Variants in FBXO8 observed in about 807,000 individuals in gnomAD.
FBXO8 encodes F-box only protein 8.
Under a neutral mutation model 33.4 loss-of-function variants are expected in FBXO8, and 15 were observed. The observed-to-expected ratio is 0.45, with a 90% CI of 0.30 to 0.69. FBXO8 has a LOEUF of 0.69. Ranked by LOEUF, FBXO8 falls within the 30% of genes least tolerant of loss-of-function variation. FBXO8 has a pLI of 0.08. For missense variants in FBXO8, 274 were observed against 380.3 expected (o/e 0.72, Z 2.32); for synonymous variants, 132 against 131.5 (o/e 1.00, Z -0.02).
chr4:174,253,775 G>A lies in FBXO8; in HGVS notation c.456+5924C>T, dbSNP rs551979430. On this transcript the variant is annotated intron_variant, in intron 3 of 5. Transcript: ENST00000393674. This position sits in a 1 kb window ranked among gnomAD's most constrained non-coding sequence, Gnocchi z 4.5. The stretch of plus-strand genomic sequence containing the variant: ...TTCTATAAGAAATGAGTAGAAGTAC[G>A]CCAAAGGCTTCTCAAAAAGATTTTT... 9.1e-4 allele frequency among the ~76,000 whole-genome samples: 138 copies of A among 152,286 alleles called. No homozygotes were observed. The highest frequency in any genetic ancestry group is 2.4e-3 in the African/African-American group (99 of 41,566).
At chr4:174,250,446 G>A (rs1736260968) in intron 3 of FBXO8, among the ~76,000 whole-genome samples, 1 of 152,006 alleles carries the variant, frequency 6.6e-6, no homozygotes, top group Admixed American at 6.6e-5. Context: ...TCAAGTTATA[G>A]ATTCTCAAAG....
At position 174,237,538 on chromosome 4, in the gene FBXO8, A is replaced by G. The variant is rs1200839431; in HGVS notation, c.834T>C (p.His278=). The part of the protein sequence containing the change: ...ILLSIDLTSP[H]VKNKMSKREF... Reference sequence around the variant, plus strand: ...CCCTTTTTGACATTTTATTCTTCACATGAGGGCTAGTGAGGTCAATGGAAA... The same window carrying G: ...CCCTTTTTGACATTTTATTCTTCACGTGAGGGCTAGTGAGGTCAATGGAAA... Residue 278 remains histidine, a synonymous_variant, in exon 6 of 6, where the codon CAT becomes CAC. Coordinates refer to ENST00000393674, the MANE Select transcript of FBXO8 (RefSeq NM_012180.3). The surrounding 1 kb of genome is among the most constrained non-coding windows in gnomAD (Gnocchi z 4.4). 1.2e-6 allele frequency: 2 copies of G among 1,613,668 alleles called. No individual in the cohort carries two copies. Among genetic ancestry groups the G allele is most frequent in the South Asian group, 1.1e-5 (1 of 91,056 alleles).
In FBXO8 at chr4:174,261,117, G is replaced by C. The variant is rs1231656938; in HGVS notation, c.330-1292C>G. ...CAAATGAAATCACTGACTCAAAACT[G>C]TAAGTATAAAAAATTGTTTAGAATA... On this transcript the variant is annotated intron_variant, in intron 2 of 5. Coordinates refer to ENST00000393674, the MANE Select transcript of FBXO8 (RefSeq NM_012180.3). This position sits in a 1 kb window ranked among gnomAD's most constrained non-coding sequence, Gnocchi z 4.1. Among the ~76,000 whole-genome samples, 2 of 151,784 alleles carry C rather than the reference G, an allele frequency of 1.3e-5. No individual in the cohort carries two copies. Among genetic ancestry groups the C allele is most frequent in the African/African-American group, 4.8e-5 (2 of 41,380 alleles).
chr4:174,258,446 C>T (rs533206071), intron 3 of FBXO8, among the ~76,000 whole-genome samples: 2 of 152,172 alleles, frequency 1.3e-5, no homozygotes, highest in East Asian at 3.9e-4. Context: ...ATTTGAACTT[C>T]GTATAAATCA....
Position 174,254,898 on chromosome 4 carries a change from T to C in FBXO8, c.456+4801A>G, listed in dbSNP as rs1300077867. The stretch of plus-strand genomic sequence containing the variant: ...AAATATTTATTTATACACAGTAGGA[T>C]TACAGATAATCTATACTAGGTTATT... On this transcript the variant is annotated intron_variant, in intron 3 of 5. Coordinates refer to ENST00000393674, the MANE Select transcript of FBXO8 (RefSeq NM_012180.3). The surrounding 1 kb of genome is among the most constrained non-coding windows in gnomAD (Gnocchi z 4.2). Among the ~76,000 whole-genome samples, 4 of 152,128 alleles carry C rather than the reference T, an allele frequency of 2.6e-5. No individual in the cohort carries two copies. Among genetic ancestry groups the C allele is most frequent in the Non-Finnish European group, 5.9e-5 (4 of 67,992 alleles).
Position 174,259,888 on chromosome 4 carries a change from T to C in FBXO8, c.330-63A>G, listed in dbSNP as rs980166302. Reference sequence around the variant, plus strand: ...TACATTTAATTTCCTAAGTTAAATATGCATATACATGCAAAAATAGTAACA... The same window carrying C: ...TACATTTAATTTCCTAAGTTAAATACGCATATACATGCAAAAATAGTAACA... On this transcript the variant is annotated intron_variant, in intron 2 of 5. Transcript: ENST00000393674. The surrounding 1 kb of genome is among the most constrained non-coding windows in gnomAD (Gnocchi z 4.3). The C allele has an allele frequency of 1.9e-5, 27 of 1,392,528 alleles. No individual in the cohort carries two copies. The South Asian group carries it at 3.2e-4, about 16-fold the overall frequency. 86.3% of individuals were successfully genotyped at this position (1,392,528 alleles called of 1,614,324 possible). A position where few individuals can be genotyped will look rare whatever the true frequency, so the allele number is the denominator to read the frequency against.
intron 3 of FBXO8, among the ~76,000 whole-genome samples, chr4:174,246,439 G>A (rs1340357359): frequency 6.6e-6 from 1 of 151,850 alleles, no homozygotes; most frequent in African/African-American, 2.4e-5. Context: ...ACTTTCAAGA[G>A]GTCTCTTTCC....
In FBXO8 at chr4:174,256,060, G is replaced by C. The variant is rs1184930278; in HGVS notation, c.456+3639C>G. Reference sequence around the variant, plus strand: ...GTGCAGATGTTCTCCCCCACCCCATGAGCCACTGCCAGCAGCTGCTGTGGA... The same window carrying C: ...GTGCAGATGTTCTCCCCCACCCCATCAGCCACTGCCAGCAGCTGCTGTGGA... On this transcript the variant is annotated intron_variant, in intron 3 of 5. Transcript: ENST00000393674. This position sits in a 1 kb window ranked among gnomAD's most constrained non-coding sequence, Gnocchi z 4.6. 2 of 455,844 alleles carry C rather than the reference G, an allele frequency of 4.4e-6. No homozygotes were observed. The highest frequency in any genetic ancestry group is 2.4e-5 in the Admixed American group (1 of 42,520). 28.2% of individuals were successfully genotyped at this position (455,844 alleles called of 1,614,324 possible). A position where few individuals can be genotyped will look rare whatever the true frequency, so the allele number is the denominator to read the frequency against.
At chr4:174,246,793 G>A (rs1736169603) in intron 3 of FBXO8, among the ~76,000 whole-genome samples, 1 of 151,968 alleles carries the variant, frequency 6.6e-6, no homozygotes, top group Non-Finnish European at 1.5e-5. Context: ...CACCGGCTCA[G>A]AGACAGCTAC....
At position 174,281,888 on chromosome 4, in the gene FBXO8, T is replaced by A. The variant is rs550240788; in HGVS notation, c.-9+1522A>T. On this transcript the variant is annotated intron_variant, in intron 1 of 5. Coordinates refer to ENST00000393674, the MANE Select transcript of FBXO8 (RefSeq NM_012180.3). This position sits in a 1 kb window ranked among gnomAD's most constrained non-coding sequence, Gnocchi z 4.6. ...TGTTTAAAAAATTATTTAAGTAAAA[T>A]AATTCAAGAAAAAGAAACAGAAATT... Among the ~76,000 whole-genome samples the A allele has an allele frequency of 1.3e-5, 2 of 152,246 alleles. No individual in the cohort carries two copies. The highest frequency in any genetic ancestry group is 3.9e-4 in the East Asian group (2 of 5,180).
rs192723107 is a variant in FBXO8, at chr4:174,247,469, T to C, written c.457-6251A>G. On this transcript the variant is annotated intron_variant, in intron 3 of 5. Transcript: ENST00000393674. The surrounding 1 kb of genome is among the most constrained non-coding windows in gnomAD (Gnocchi z 4.6). The stretch of plus-strand genomic sequence containing the variant: ...AGACCATTATATAATAGAAAGCCAA[T>C]TGGATACTGCATTTAATTTTCTTTT... 5.3e-4 allele frequency among the ~76,000 whole-genome samples: 80 copies of C among 152,146 alleles called. No homozygotes were observed. Among genetic ancestry groups the C allele is most frequent in the Non-Finnish European group, 1.0e-3 (68 of 67,974 alleles).
chr4:174,261,196 G>A lies in FBXO8; in HGVS notation c.330-1371C>T, dbSNP rs941909854. On this transcript the variant is annotated intron_variant, in intron 2 of 5. Transcript: ENST00000393674. The surrounding 1 kb of genome is among the most constrained non-coding windows in gnomAD (Gnocchi z 4.1). ...CTAGTCCCAATAAAACCCAAAACTAGAGTTTTATTACTAAGCTTTGTGAAA... is the reference window on the plus strand; with the variant it reads ...CTAGTCCCAATAAAACCCAAAACTAAAGTTTTATTACTAAGCTTTGTGAAA... 6.6e-6 allele frequency among the ~76,000 whole-genome samples: 1 copy of A among 151,738 alleles called. No homozygotes were observed. Among genetic ancestry groups the A allele is most frequent in the Non-Finnish European group, 1.5e-5 (1 of 67,794 alleles).
chr4:174,246,802 A>T (rs752517688), intron 3 of FBXO8, among the ~76,000 whole-genome samples: 7 of 152,048 alleles, frequency 4.6e-5, no homozygotes, highest in Non-Finnish European at 7.4e-5. Context: ...AGAGACAGCT[A>T]CAGTAAGAAA....
rs1705383333 is a variant in FBXO8 at position 174,239,015 on chromosome 4, G to A, written c.751C>T (p.Arg251Ter). ...RFCACNPDLM[R>*]ELGLSPDAVY... ...TTACCAGGACTAAGGCCAAGTTCTCGCATTAAATCAGGGTTGCAAGCACAG... is the reference window on the plus strand; with the variant it reads ...TTACCAGGACTAAGGCCAAGTTCTCACATTAAATCAGGGTTGCAAGCACAG... Residue 251 changes from arginine to a stop codon, truncating the protein, a stop_gained, in exon 5 of 6, where the codon CGA becomes TGA. Transcript: ENST00000393674. LOFTEE classifies it high-confidence loss of function. 1.9e-6 allele frequency: 3 copies of A among 1,557,498 alleles called. No individual in the cohort carries two copies. The highest frequency in any genetic ancestry group is 1.7e-6 in the Non-Finnish European group (2 of 1,149,374).
At chr4:174,279,664 G>A (rs1737033517) in intron 1 of FBXO8, among the ~76,000 whole-genome samples, 1 of 152,058 alleles carries the variant, frequency 6.6e-6, no homozygotes. Context: ...ACAGACCAAT[G>A]AAATAGAACA....
intron 3 of FBXO8, among the ~76,000 whole-genome samples, chr4:174,244,889 AT>A (rs568360555): frequency 1.3e-5 from 2 of 151,750 alleles, no homozygotes; most frequent in African/African-American, 2.4e-5. Context: ...TAGTCATTTG[AT>A]TTTTTTAAAA....
Position 174,251,291 on chromosome 4 carries a change from A to G in FBXO8, c.456+8408T>C, listed in dbSNP as rs1202048167. The stretch of plus-strand genomic sequence containing the variant: ...AATACATCAGGTGGTTTGATTGATG[A>G]ATAAACTATGGAATATTCTAGGGCC... On this transcript the variant is annotated intron_variant, in intron 3 of 5. Coordinates refer to ENST00000393674, the MANE Select transcript of FBXO8 (RefSeq NM_012180.3). The surrounding 1 kb of genome is among the most constrained non-coding windows in gnomAD (Gnocchi z 4.2). Among the ~76,000 whole-genome samples, 1 of 152,166 alleles carries G rather than the reference A, an allele frequency of 6.6e-6. No individual in the cohort carries two copies. The highest frequency in any genetic ancestry group is 1.5e-5 in the Non-Finnish European group (1 of 68,022).
In FBXO8 at chr4:174,282,381, T is replaced by A. The variant is rs148163099; in HGVS notation, c.-9+1029A>T. The stretch of plus-strand genomic sequence containing the variant: ...CAGAAACTGATAATATTTGTTGTTT[T>A]AAGCTGGGGTAAATTTGGGGGTAAT... On this transcript the variant is annotated intron_variant, in intron 1 of 5. Coordinates refer to ENST00000393674, the MANE Select transcript of FBXO8 (RefSeq NM_012180.3). 7.0e-4 allele frequency among the ~76,000 whole-genome samples: 106 copies of A among 152,326 alleles called. 1 individual carries two copies. In the East Asian group the frequency reaches 0.014, roughly 20 times the overall value.
rs571846485 is a variant in FBXO8, at chr4:174,253,782, G to A, written c.456+5917C>T. Among the ~76,000 whole-genome samples the A allele has an allele frequency of 3.5e-4, 54 of 152,276 alleles. No homozygotes were observed. The East Asian group carries it at 9.1e-3, about 26-fold the overall frequency. On this transcript the variant is annotated intron_variant, in intron 3 of 5. Coordinates refer to ENST00000393674, the MANE Select transcript of FBXO8 (RefSeq NM_012180.3). The surrounding 1 kb of genome is among the most constrained non-coding windows in gnomAD (Gnocchi z 4.5). ...AGAAATGAGTAGAAGTACGCCAAAGGCTTCTCAAAAAGATTTTTCTCCCTA... is the reference window on the plus strand; with the variant it reads ...AGAAATGAGTAGAAGTACGCCAAAGACTTCTCAAAAAGATTTTTCTCCCTA...
Sources: allele counts gnomAD v4.1 joint callset (sites outside exome capture counted in the v4.1 genomes callset), GRCh38; gene constraint gnomAD v4.1.1; non-coding constraint Gnocchi (gnomAD v3.1); transcripts MANE v1.5; gene names NCBI Gene and HGNC (gene_info 2026-07-23, HGNC 2026-07-21).